The following GBF1 variants were observed in gnomAD, a reference collection of about 807,000 sequenced individuals.
GBF1 encodes the protein Golgi-specific brefeldin A-resistance guanine nucleotide exchange factor 1.
A neutral mutation model predicts 210.5 loss-of-function variants in GBF1; 114 were observed. That is an observed-to-expected ratio of 0.54 (90% CI 0.47 to 0.63). The LOEUF is 0.63. Ranked by LOEUF, GBF1 falls within the 30% of genes least tolerant of loss-of-function variation. GBF1 has a pLI of 0.00. For synonymous variants in GBF1, 850 were observed against 889.2 expected (o/e 0.96, Z 0.78); for missense variants, 1,851 against 2,357.7 (o/e 0.79, Z 4.45).
At chr10:102,358,207 C>G in intron 9 of GBF1, 21 bp downstream of exon 9, 2 of 1,601,560 alleles carry the variant, frequency 1.2e-6, no homozygotes, top group Non-Finnish European at 1.7e-6. Flanking sequence ...TGGACTACTT[C>G]CTCTGATTAG....
At chr10:102,280,130 A>AAGAGAGAGAGAGAGAG (rs57985048) in intron 3 of GBF1, among the ~76,000 whole-genome samples, 1 of 150,018 alleles carries the variant, frequency 6.7e-6, no homozygotes, top group Admixed American at 6.7e-5. Flanking sequence ...CTTAAAAAAA[A>AAGAGAGAGAGAGAGAG]AGAGAGAGAG....
chr10:102,288,738 A>AC (rs1390599934), intron 3 of GBF1, among the ~76,000 whole-genome samples: 4 of 149,922 alleles, frequency 2.7e-5, no homozygotes, highest in Non-Finnish European at 4.5e-5. Flanking sequence ...AAAAAAAACA[A>AC]AAAAAAAAAA....
intron 3 of GBF1, among the ~76,000 whole-genome samples, chr10:102,313,439 C>T (rs1188756082): frequency 6.6e-6 from 1 of 152,210 alleles, no homozygotes; most frequent in East Asian, 1.9e-4. Context: ...AGAGGGCTAG[C>T]TGGCCCTCCC....
chr10:102,374,256 A>G (rs1442193883), intron 29 of GBF1, among the ~76,000 whole-genome samples: 4 of 152,062 alleles, frequency 2.6e-5, no homozygotes, highest in Non-Finnish European at 5.9e-5. Context: ...AGGCTGAGGC[A>G]GGAGAATCAC....
chr10:102,278,529 T>C (rs953020376), intron 3 of GBF1, among the ~76,000 whole-genome samples: 1 of 152,238 alleles, frequency 6.6e-6, no homozygotes, highest in African/African-American at 2.4e-5. Flanking sequence ...ATTATACTTA[T>C]GTATTGGTTA....
chr10:102,237,934 G>C, the GBF1 span, among the ~76,000 whole-genome samples: 6 of 151,976 alleles, frequency 3.9e-5, no homozygotes, highest in Non-Finnish European at 4.4e-5. Context: ...GGGGTCACTG[G>C]AGGCTTGTAT....
At chr10:102,268,832 G>A (rs549342287) in intron 3 of GBF1, among the ~76,000 whole-genome samples, 49 of 152,264 alleles carry the variant, frequency 3.2e-4, no homozygotes, top group Non-Finnish European at 5.9e-4. Context: ...TTATGGAAAG[G>A]GTGAGTACAT....
chr10:102,268,519 GA>G (rs1358565023), intron 3 of GBF1, among the ~76,000 whole-genome samples: 1 of 152,130 alleles, frequency 6.6e-6, no homozygotes, highest in African/African-American at 2.4e-5. Context: ...CTTGAGGCCT[GA>G]AACTTCTGAG....
chr10:102,230,952 C>T, the GBF1 span: 1 of 1,607,956 alleles, frequency 6.2e-7, no homozygotes, highest in Non-Finnish European at 8.5e-7. Context: ...GAGCCTTGGG[C>T]GGCCAGTTGC....
chr10:102,283,859 C>A (rs1209566950), intron 3 of GBF1, among the ~76,000 whole-genome samples: 1 of 152,122 alleles, frequency 6.6e-6, no homozygotes, highest in Non-Finnish European at 1.5e-5. Context: ...GAGGAAATTT[C>A]TTACTGTGGT....
In GBF1 at chr10:102,370,776, T is replaced by C. The variant is rs1245171161; in HGVS notation, c.3576T>C (p.Asp1192=). 6 of 1,614,066 alleles carry C rather than the reference T, an allele frequency of 3.7e-6. No homozygotes were observed. The East Asian group carries it at 1.1e-4, about 30-fold the overall frequency. ...ACCACCTCTGTGTTCAGGCACAAGA[T>C]TTCTGCTTCCTTGTGGAGCGGGCAG... ...HLYHLCVQAQ[D]FCFLVERAVV... is the part of the protein sequence containing the mutation. The change falls in exon 29 of 40, where the codon GAT becomes GAC. Residue 1192 remains aspartate, a synonymous_variant. Coordinates refer to ENST00000369983, the MANE Select transcript of GBF1 (RefSeq NM_001377137.1).
chr10:102,363,201 C>T lies in GBF1; in HGVS notation c.1877-55C>T. The stretch of plus-strand genomic sequence containing the variant: ...GCTTGGGATTTGATCTATCCTGCAG[C>T]TCTGCTTGGCTTCATACCCTATAAG... On this transcript the variant is annotated intron_variant, in intron 15 of 39. Transcript: ENST00000369983. This position sits in a 1 kb window ranked among gnomAD's most constrained non-coding sequence, Gnocchi z 4.2. 3 of 1,510,758 alleles carry T rather than the reference C, an allele frequency of 2.0e-6. No individual in the cohort carries two copies. The highest frequency in any genetic ancestry group is 1.8e-6 in the Non-Finnish European group (2 of 1,112,612). The allele number at this position is 1,510,758 out of a possible 1,614,324, so 93.6% of individuals were successfully genotyped here.
intron 3 of GBF1, among the ~76,000 whole-genome samples, chr10:102,321,894 T>G (rs1455239792): frequency 2.0e-5 from 3 of 152,228 alleles, no homozygotes; most frequent in Non-Finnish European, 4.4e-5. Context: ...GGTCTTGCTC[T>G]GTCACCCAGG....
chr10:102,288,416 A>C (rs997962638), intron 3 of GBF1, among the ~76,000 whole-genome samples: 6 of 152,240 alleles, frequency 3.9e-5, no homozygotes, highest in Non-Finnish European at 7.3e-5. Flanking sequence ...GGAGTGATTT[A>C]AAAACGAAAT....
At chr10:102,330,338 A>G (rs2057240941) in intron 3 of GBF1, among the ~76,000 whole-genome samples, 1 of 152,102 alleles carries the variant, frequency 6.6e-6, no homozygotes, top group African/African-American at 2.4e-5. Context: ...ACTATTTCCC[A>G]GAGTTATTGG....
chr10:102,343,546 G>A (rs944567818), intron 3 of GBF1, among the ~76,000 whole-genome samples: 2 of 152,082 alleles, frequency 1.3e-5, no homozygotes, highest in East Asian at 1.9e-4. Context: ...GGCCAGGCAC[G>A]GTGGCTCGCG....
At chr10:102,265,099 A>G (rs897688292) in intron 3 of GBF1, among the ~76,000 whole-genome samples, 9 of 152,162 alleles carry the variant, frequency 5.9e-5, no homozygotes, top group African/African-American at 1.9e-4. Flanking sequence ...TTGGTTTTAG[A>G]TCTGACAAGA....
At chr10:102,302,202 C>T (rs181854774) in intron 3 of GBF1, among the ~76,000 whole-genome samples, 3 of 152,210 alleles carry the variant, frequency 2.0e-5, no homozygotes, top group South Asian at 4.1e-4. Flanking sequence ...TGCAGTGAGC[C>T]GAGATGGCGG....
At chr10:102,357,917 A>T in intron 8 of GBF1, 122 bp from the exon 9 acceptor site, 2 of 718,272 alleles carry the variant, frequency 2.8e-6, no homozygotes, top group East Asian at 4.9e-5. Context: ...CTAGAGTCTT[A>T]CTTTAGCAAA....
Sources: allele counts gnomAD v4.1 joint callset (sites outside exome capture counted in the v4.1 genomes callset), GRCh38; gene constraint gnomAD v4.1.1; non-coding constraint Gnocchi (gnomAD v3.1); transcripts MANE v1.5; gene names NCBI Gene and HGNC (gene_info 2026-07-23, HGNC 2026-07-21).